SUPT3H: variants seen among roughly 807,000 people sequenced by gnomAD.
The protein encoded by SUPT3H is transcription initiation protein SPT3 homolog.
SUPT3H carries 44 observed loss-of-function variants against 44.3 expected under a neutral mutation model. The ratio of observed to expected loss-of-function variants is 0.99; its 90% CI spans 0.78 to 1.28. SUPT3H has a LOEUF of 1.28. Among genes scored for constraint, SUPT3H ranks in the 50% most tolerant of loss-of-function variants. The probability of loss-of-function intolerance (pLI) is 0.00; values close to 1 mark genes in which losing one functional copy is unlikely to be tolerated. For missense variants in SUPT3H, 380 were observed against 387.1 expected (o/e 0.98, Z 0.15); for synonymous variants, 124 against 125.6 (o/e 0.99, Z 0.09).
At chr6:44,845,199 T>C (rs115145653) in intron 10 of SUPT3H, among the ~76,000 whole-genome samples, 3,427 of 152,278 alleles carry the variant, frequency 0.023, 122 homozygotes, top group African/African-American at 0.078. Context: ...ATTTATTGAA[T>C]GCTTACTAGT....
At chr6:45,119,082 T>C (rs571540958) in intron 2 of SUPT3H, among the ~76,000 whole-genome samples, 4 of 152,170 alleles carry the variant, frequency 2.6e-5, no homozygotes, top group East Asian at 1.9e-4. Flanking sequence ...ATTGGTGGGG[T>C]TGTCTAATCT....
At chr6:44,949,001 A>T (rs1773824558) in intron 9 of SUPT3H, among the ~76,000 whole-genome samples, 1 of 152,244 alleles carries the variant, frequency 6.6e-6, no homozygotes, top group Non-Finnish European at 1.5e-5. Flanking sequence ...CAAATGTCCA[A>T]CAATGATAGA....
chr6:45,128,549 TATATATATACAC>T (rs1358819831), intron 2 of SUPT3H, among the ~76,000 whole-genome samples: 14 of 65,998 alleles, frequency 2.1e-4, no homozygotes, highest in African/African-American at 1.0e-3. Flanking sequence ...TATATATATA[TATATATATACAC>T]ACACACACAC....
At chr6:45,058,946 C>T (rs1457809925) in intron 3 of SUPT3H, among the ~76,000 whole-genome samples, 1 of 152,050 alleles carries the variant, frequency 6.6e-6, no homozygotes, top group East Asian at 1.9e-4. Flanking sequence ...GGTCTGATCG[C>T]TCTCTTGGTT....
At chr6:44,928,732 A>C (rs888202545) in intron 10 of SUPT3H, among the ~76,000 whole-genome samples, 42 of 151,390 alleles carry the variant, frequency 2.8e-4, no homozygotes, top group Non-Finnish European at 5.0e-4. Flanking sequence ...AAATACAAAA[A>C]ATTAGCTGGG....
intron 2 of SUPT3H, among the ~76,000 whole-genome samples, chr6:45,262,846 T>C (rs1010917924): frequency 6.6e-6 from 1 of 152,146 alleles, no homozygotes; most frequent in Non-Finnish European, 1.5e-5. Flanking sequence ...CAGGAGCTTC[T>C]TAAAAGACAA....
chr6:45,181,146 C>G (rs1454751115), intron 2 of SUPT3H, among the ~76,000 whole-genome samples: 1 of 140,212 alleles, frequency 7.1e-6, no homozygotes, highest in Non-Finnish European at 1.5e-5. Flanking sequence ...CAGAGAAATG[C>G]AAATCAAAAC....
chr6:44,987,720 A>G (rs755265291), intron 6 of SUPT3H, among the ~76,000 whole-genome samples: 2 of 152,096 alleles, frequency 1.3e-5, no homozygotes, highest in Non-Finnish European at 2.9e-5. Context: ...AAATTATAAC[A>G]TTTTTCTGTG....
intron 2 of SUPT3H, among the ~76,000 whole-genome samples, chr6:45,347,064 T>C (rs528081806): frequency 3.3e-4 from 51 of 152,250 alleles, no homozygotes; most frequent in African/African-American, 1.2e-3. Flanking sequence ...TAATTAAAAA[T>C]TGAACACATT....
At position 45,208,737 on chromosome 6, in the gene SUPT3H, AC is replaced by A. The variant is rs753216835; in HGVS notation, c.102-102732del. On this transcript the variant is annotated intron_variant, in intron 2 of 10. Coordinates refer to ENST00000371459, the MANE Select transcript of SUPT3H (RefSeq NM_003599.4). ...AGACTCTGTCTCAAAAAAAAAAAAA[AC>A]AAACAAAAAAATTCTCAGTGGAAAC... 3.0e-3 allele frequency among the ~76,000 whole-genome samples: 130 copies of A among 43,734 alleles called. 3 individuals are homozygous for A. Among genetic ancestry groups the A allele is most frequent in the African/African-American group, 9.3e-3 (101 of 10,808 alleles). 28.7% of individuals were successfully genotyped at this position (43,734 alleles called of 152,430 possible).
At chr6:45,276,032 C>T (rs1458348303) in intron 2 of SUPT3H, among the ~76,000 whole-genome samples, 2 of 151,900 alleles carry the variant, frequency 1.3e-5, no homozygotes, top group African/African-American at 4.8e-5. Context: ...ACATACCTGT[C>T]AGGTATGTAT....
At chr6:45,349,243 A>G (rs1164246834) in intron 2 of SUPT3H, among the ~76,000 whole-genome samples, 1 of 152,172 alleles carries the variant, frequency 6.6e-6, no homozygotes, top group Non-Finnish European at 1.5e-5. Flanking sequence ...AATCACAATA[A>G]TTCTCTATAT....
At chr6:44,999,757 A>G (rs1472495461) in intron 6 of SUPT3H, among the ~76,000 whole-genome samples, 2 of 152,042 alleles carry the variant, frequency 1.3e-5, no homozygotes, top group African/African-American at 4.8e-5. Context: ...ACATACTAGA[A>G]GCTTTCAATG....
chr6:45,013,584 A>G (rs924742768), intron 5 of SUPT3H, among the ~76,000 whole-genome samples: 1 of 151,970 alleles, frequency 6.6e-6, no homozygotes, highest in Non-Finnish European at 1.5e-5. Context: ...TTTGCTCCCT[A>G]TGAGAGCTAG....
intron 2 of SUPT3H, among the ~76,000 whole-genome samples, chr6:45,167,590 CA>C (rs1433023817): frequency 1.3e-5 from 2 of 150,918 alleles, no homozygotes; most frequent in Non-Finnish European, 2.9e-5. Context: ...ATCTTTTGAT[CA>C]AACTCAACAT....
intron 10 of SUPT3H, among the ~76,000 whole-genome samples, chr6:44,831,582 T>TTTTA (rs1768755580): frequency 6.6e-6 from 1 of 152,178 alleles, no homozygotes; most frequent in African/African-American, 2.4e-5. Context: ...ATATTTTAAA[T>TTTTA]TTTATAACCA....
At chr6:45,333,988 A>T (rs1788040801) in intron 2 of SUPT3H, among the ~76,000 whole-genome samples, 1 of 151,376 alleles carries the variant, frequency 6.6e-6, no homozygotes, top group South Asian at 2.1e-4. Flanking sequence ...TGTTTGAGAT[A>T]TTTAAAAATT....
chr6:45,013,222 T>C (rs1373513833), intron 5 of SUPT3H, among the ~76,000 whole-genome samples: 1 of 152,100 alleles, frequency 6.6e-6, no homozygotes, highest in East Asian at 1.9e-4. Flanking sequence ...CTTTCCCTTG[T>C]TTTCTTTGTT....
chr6:45,286,204 A>G (rs528614821), intron 2 of SUPT3H, among the ~76,000 whole-genome samples: 1 of 152,080 alleles, frequency 6.6e-6, no homozygotes, highest in East Asian at 1.9e-4. Context: ...TTCATGTCTA[A>G]AACACCAAAA....
Sources: allele counts gnomAD v4.1 joint callset (sites outside exome capture counted in the v4.1 genomes callset), GRCh38; gene constraint gnomAD v4.1.1; transcripts MANE v1.5; gene names NCBI Gene and HGNC (gene_info 2026-07-23, HGNC 2026-07-21).